Variants in YAF2 observed in about 807,000 individuals in gnomAD.
YAF2 encodes YY1-associated factor 2.
YAF2 carries 7 observed loss-of-function variants against 20.1 expected under a neutral mutation model. The ratio of observed to expected loss-of-function variants is 0.35; its 90% CI spans 0.20 to 0.65. The LOEUF (loss-of-function observed/expected upper bound fraction) is 0.65, where lower values mean the gene tolerates loss of function less well. Among genes scored for constraint, YAF2 ranks in the 30% least tolerant of loss-of-function variants. The pLI is 0.69. For synonymous variants in YAF2, 74 were observed against 76.0 expected (o/e 0.97, Z 0.14); for missense variants, 151 against 219.2 (o/e 0.69, Z 1.96).
chr12:42,161,379 A>AT (rs566752641), intron 3 of YAF2: 3 of 366,772 alleles, frequency 8.2e-6, no homozygotes, highest in Non-Finnish European at 9.4e-6. Context: ...CCAGACACAA[A>AT]TGTCTTCCAA....
chr12:42,178,014 C>A (rs147768205), intron 2 of YAF2, among the ~76,000 whole-genome samples: 39 of 152,232 alleles, frequency 2.6e-4, no homozygotes, highest in African/African-American at 9.4e-4. Context: ...CTCCCTACCA[C>A]CCCCCTAATT....
chr12:42,186,874 G>C (rs990742091), intron 2 of YAF2, among the ~76,000 whole-genome samples: 1 of 152,036 alleles, frequency 6.6e-6, no homozygotes, highest in African/African-American at 2.4e-5. Context: ...CTTAATTTCT[G>C]GATCAAGTTC....
intron 2 of YAF2, among the ~76,000 whole-genome samples, chr12:42,202,572 T>A (rs1592238016): frequency 6.6e-6 from 1 of 152,224 alleles, no homozygotes; most frequent in Non-Finnish European, 1.5e-5. Flanking sequence ...GAGAGAGTCA[T>A]CCCATGTTAT....
intron 2 of YAF2, chr12:42,236,005 T>TA: frequency 6.5e-7 from 1 of 1,536,050 alleles, no homozygotes. Flanking sequence ...TCCCTGCAAA[T>TA]AAACATATAG....
intron 2 of YAF2, chr12:42,235,978 T>TCC (rs1565668455): frequency 6.5e-7 from 1 of 1,535,972 alleles, no homozygotes; most frequent in African/African-American, 1.4e-5. Flanking sequence ...GACACCAGCT[T>TCC]CCCCCCTTCC....
chr12:42,222,826 T>C (rs1224105505), intron 2 of YAF2, among the ~76,000 whole-genome samples: 1 of 152,174 alleles, frequency 6.6e-6, no homozygotes. Flanking sequence ...GTTGAGAAGA[T>C]TAAATGATAA....
intron 2 of YAF2, among the ~76,000 whole-genome samples, chr12:42,169,406 T>A (rs779116777): frequency 6.6e-6 from 1 of 152,116 alleles, no homozygotes; most frequent in Non-Finnish European, 1.5e-5. Flanking sequence ...TAATCTCTTC[T>A]CTTTAATTTT....
chr12:42,223,331 T>C lies in YAF2; in HGVS notation c.152+14268A>G, dbSNP rs866641993. On this transcript the variant is annotated intron_variant, in intron 2 of 3. Coordinates refer to ENST00000534854, the MANE Select transcript of YAF2 (RefSeq NM_005748.6). ...AAAACAGCAGTTTCTTTAAAATACATACACACACACACACACACACACACA... is the reference window on the plus strand; with the variant it reads ...AAAACAGCAGTTTCTTTAAAATACACACACACACACACACACACACACACA... Among the ~76,000 whole-genome samples, 1,265 of 148,194 alleles carry C rather than the reference T, an allele frequency of 8.5e-3. 18 individuals are homozygous for C. The highest frequency in any genetic ancestry group is 0.03 in the African/African-American group (1,209 of 40,294).
chr12:42,230,281 A>C (rs2067944439), intron 2 of YAF2, among the ~76,000 whole-genome samples: 1 of 151,628 alleles, frequency 6.6e-6, no homozygotes, highest in Non-Finnish European at 1.5e-5. Flanking sequence ...GAAGAAAGAG[A>C]AGAAAGAGAA....
chr12:42,168,562 T>C (rs2065970145), intron 2 of YAF2, among the ~76,000 whole-genome samples: 1 of 152,138 alleles, frequency 6.6e-6, no homozygotes, highest in African/African-American at 2.4e-5. Flanking sequence ...TAAATTCTTT[T>C]CGGAAAAATG....
chr12:42,159,811 G>A lies in YAF2; in HGVS notation c.*778C>T, dbSNP rs1041607295. ...TTTTGCCAAATGCTTATAATTATTT[G>A]AATTTTAATGTTTTATATGATACAG... On this transcript the variant is annotated 3_prime_UTR_variant, in exon 4 of 4. Coordinates refer to ENST00000534854, the MANE Select transcript of YAF2 (RefSeq NM_005748.6). The A allele has an allele frequency of 1.3e-5, 2 of 152,344 alleles. No homozygotes were observed. Among genetic ancestry groups the A allele is most frequent in the Non-Finnish European group, 2.9e-5 (2 of 67,944 alleles). The allele number at this position is 152,344 out of a possible 1,614,324, so 9.4% of individuals were successfully genotyped here.
intron 2 of YAF2, among the ~76,000 whole-genome samples, chr12:42,200,179 A>T (rs1433699562): frequency 6.6e-6 from 1 of 152,230 alleles, no homozygotes; most frequent in East Asian, 1.9e-4. Flanking sequence ...AAAATAATAG[A>T]AGTGGGATCT....
chr12:42,184,332 C>G (rs1283284746), intron 2 of YAF2, among the ~76,000 whole-genome samples: 2 of 152,118 alleles, frequency 1.3e-5, no homozygotes, highest in Non-Finnish European at 2.9e-5. Flanking sequence ...GTTTTTGAGA[C>G]AGAGTCTTGC....
At chr12:42,198,116 A>T (rs892509768) in intron 2 of YAF2, among the ~76,000 whole-genome samples, 4 of 146,098 alleles carry the variant, frequency 2.7e-5, no homozygotes, top group African/African-American at 5.0e-5. Context: ...CTCACCTTAT[A>T]AAAAAAAAAG....
chr12:42,162,230 C>T (rs1451318448), intron 2 of YAF2, among the ~76,000 whole-genome samples: 3 of 152,122 alleles, frequency 2.0e-5, no homozygotes, highest in Non-Finnish European at 2.9e-5. Flanking sequence ...CATTTATTAT[C>T]AAAATTTCTC....
intron 2 of YAF2, among the ~76,000 whole-genome samples, chr12:42,177,364 A>G (rs1167793081): frequency 6.6e-6 from 1 of 152,194 alleles, no homozygotes; most frequent in Non-Finnish European, 1.5e-5. Context: ...ACCAAGGTCC[A>G]GTAGGGTTCC....
At chr12:42,169,681 G>A (rs1046566256) in intron 2 of YAF2, among the ~76,000 whole-genome samples, 2 of 152,022 alleles carry the variant, frequency 1.3e-5, no homozygotes, top group African/African-American at 4.8e-5. Context: ...CCAAAGTGCT[G>A]GGATTAGAGG....
intron 2 of YAF2, among the ~76,000 whole-genome samples, chr12:42,162,904 T>C (rs1428962164): frequency 1.3e-5 from 2 of 152,124 alleles, no homozygotes; most frequent in South Asian, 2.1e-4. Context: ...AGGACTGACA[T>C]AGAGTTTGAG....
chr12:42,188,735 AT>A (rs1222733947), intron 2 of YAF2, among the ~76,000 whole-genome samples: 1 of 151,914 alleles, frequency 6.6e-6, no homozygotes, highest in East Asian at 1.9e-4. Context: ...CACATGTACA[AT>A]TTTATTATGT....
Sources: gnomAD v4.1 joint callset for allele counts (sites outside exome capture counted in the v4.1 genomes callset) on GRCh38, gnomAD v4.1.1 for gene constraint, MANE v1.5 for transcripts, NCBI Gene and HGNC (gene_info 2026-07-23, HGNC 2026-07-21) for gene names.